The following TAFA1 variants were observed in gnomAD, a reference collection of about 807,000 sequenced individuals.
TAFA1 encodes TAFA chemokine like family member 1.
Under a neutral mutation model 18.5 loss-of-function variants are expected in TAFA1, and 4 were observed. That is an observed-to-expected ratio of 0.22 (90% confidence interval 0.11 to 0.49). The LOEUF is 0.49. Among genes scored for constraint, TAFA1 ranks in the 20% least tolerant of loss-of-function variants. TAFA1 has a pLI of 0.98. For missense variants in TAFA1, 147 were observed against 169.0 expected, an observed-to-expected ratio of 0.87 and a Z score of 0.72; for synonymous variants, 56 against 55.2, an observed-to-expected ratio of 1.01 and a Z score of -0.06.
At chr3:68,418,112 A>G (rs763069555) in intron 3 of TAFA1, among the ~76,000 whole-genome samples, 34 of 152,088 alleles carry the variant, frequency 2.2e-4, no homozygotes, top group Non-Finnish European at 3.1e-4. Context: ...GCTCTAGAGA[A>G]TGATGATGGT....
chr3:68,260,372 T>C (rs2067390214), intron 2 of TAFA1, among the ~76,000 whole-genome samples: 1 of 152,240 alleles, frequency 6.6e-6, no homozygotes, highest in African/African-American at 2.4e-5. Context: ...GCATCAATGT[T>C]CATCAAGGAT....
chr3:68,430,401 AC>A (rs932027113), intron 3 of TAFA1, among the ~76,000 whole-genome samples: 2 of 151,996 alleles, frequency 1.3e-5, no homozygotes, highest in African/African-American at 4.8e-5. Context: ...AAAGTTAGAT[AC>A]GGCCAAACAA....
chr3:68,507,003 G>A (rs1193939269), intron 3 of TAFA1, among the ~76,000 whole-genome samples: 2 of 152,028 alleles, frequency 1.3e-5, no homozygotes, highest in African/African-American at 4.8e-5. Context: ...TTAAGTTCTG[G>A]GCCATGCATA....
chr3:68,380,912 G>T (rs867624145), intron 2 of TAFA1, among the ~76,000 whole-genome samples: 2,528 of 149,704 alleles, frequency 0.017, 71 homozygotes, highest in African/African-American at 0.059. Flanking sequence ...GGTCTAACAT[G>T]TAAGTCTTTA....
intron 2 of TAFA1, among the ~76,000 whole-genome samples, chr3:68,036,283 A>G (rs999893796): frequency 2.6e-5 from 4 of 152,076 alleles, no homozygotes; most frequent in African/African-American, 9.7e-5. Context: ...TACTAAAAAT[A>G]CAAAAATTAG....
intron 2 of TAFA1, among the ~76,000 whole-genome samples, chr3:68,144,198 T>G (rs2065707929): frequency 6.6e-6 from 1 of 152,184 alleles, no homozygotes; most frequent in Admixed American, 6.5e-5. Flanking sequence ...TTTCTAAATT[T>G]TGTTATTGTT....
intron 3 of TAFA1, among the ~76,000 whole-genome samples, chr3:68,503,788 CTAA>C (rs2072701554): frequency 6.6e-6 from 1 of 151,976 alleles, no homozygotes; most frequent in African/African-American, 2.4e-5. Context: ...GCATCATTTT[CTAA>C]TAATATTTTG....
chr3:68,009,266 C>T (rs2106773535), intron 2 of TAFA1, among the ~76,000 whole-genome samples: 1 of 152,302 alleles, frequency 6.6e-6, no homozygotes, highest in South Asian at 2.1e-4. Flanking sequence ...ATAGTTGTCT[C>T]TCTTAATCAG....
chr3:68,191,061 G>C (rs915684520), intron 2 of TAFA1, among the ~76,000 whole-genome samples: 5 of 151,648 alleles, frequency 3.3e-5, no homozygotes, highest in African/African-American at 1.2e-4. Context: ...GTCTTGGGTG[G>C]GGACTTAAAA....
At chr3:68,325,908 C>G (rs1172256051) in intron 2 of TAFA1, among the ~76,000 whole-genome samples, 2 of 152,242 alleles carry the variant, frequency 1.3e-5, no homozygotes, top group East Asian at 3.9e-4. Flanking sequence ...AGTGATAAAT[C>G]TGAGACTGGA....
the TAFA1 span, among the ~76,000 whole-genome samples, chr3:67,998,500 C>T: frequency 6.6e-6 from 1 of 152,146 alleles, no homozygotes; most frequent in East Asian, 1.9e-4. Flanking sequence ...GATCCTTCCC[C>T]CTGGTCAAGG....
chr3:68,519,564 T>C (rs1267782247), intron 3 of TAFA1, among the ~76,000 whole-genome samples: 1 of 152,256 alleles, frequency 6.6e-6, no homozygotes, highest in Non-Finnish European at 1.5e-5. Flanking sequence ...TTCAGGCTGC[T>C]GTAACAAAGT....
chr3:68,254,084 CCTGT>C (rs776838354), intron 2 of TAFA1, among the ~76,000 whole-genome samples: 7 of 150,134 alleles, frequency 4.7e-5, no homozygotes, highest in South Asian at 2.1e-4. Context: ...TGTCTGTCTG[CCTGT>C]CTATCTATCT....
intron 2 of TAFA1, among the ~76,000 whole-genome samples, chr3:68,045,798 A>G (rs1705255912): frequency 6.6e-6 from 1 of 152,190 alleles, no homozygotes; most frequent in Non-Finnish European, 1.5e-5. Flanking sequence ...TTAATCATTC[A>G]TTTCGTTATT....
intron 2 of TAFA1, among the ~76,000 whole-genome samples, chr3:68,371,813 G>A (rs1332047333): frequency 1.3e-5 from 2 of 152,188 alleles, no homozygotes; most frequent in Admixed American, 1.3e-4. Flanking sequence ...GAGTGTTAGA[G>A]AATGTTGAGA....
chr3:68,052,297 C>G (rs987148113), intron 2 of TAFA1, among the ~76,000 whole-genome samples: 7 of 152,054 alleles, frequency 4.6e-5, no homozygotes, highest in Admixed American at 4.6e-4. Context: ...TAAACAATGG[C>G]CCTAAACAGG....
chr3:68,389,588 A>AAC (rs1298716392), intron 2 of TAFA1, among the ~76,000 whole-genome samples: 1 of 152,172 alleles, frequency 6.6e-6, no homozygotes, highest in African/African-American at 2.4e-5. Context: ...CCAAATAGGA[A>AAC]CAGCTCCGGT....
chr3:68,514,890 C>A (rs577915905), intron 3 of TAFA1, among the ~76,000 whole-genome samples: 7 of 151,914 alleles, frequency 4.6e-5, no homozygotes, highest in Non-Finnish European at 1.0e-4. Context: ...AAACAATAGC[C>A]ATTTTATTAC....
chr3:68,014,843 G>T (rs766392206), intron 2 of TAFA1, among the ~76,000 whole-genome samples: 63 of 152,202 alleles, frequency 4.1e-4, no homozygotes, highest in Non-Finnish European at 2.1e-4. Context: ...ATATTGCAAG[G>T]CAAGCCAGAA....
Sources: allele counts gnomAD v4.1 joint callset (sites outside exome capture counted in the v4.1 genomes callset), GRCh38; gene constraint gnomAD v4.1.1; transcripts MANE v1.5; gene names NCBI Gene and HGNC (gene_info 2026-07-23, HGNC 2026-07-21).